KIF23: variants seen among roughly 807,000 people sequenced by gnomAD.
The protein encoded by KIF23 is kinesin family member 23.
KIF23 carries 30 observed loss-of-function variants against 137.5 expected under a neutral mutation model. The observed-to-expected ratio is 0.22, with a 90% confidence interval of 0.16 to 0.30. The LOEUF (loss-of-function observed/expected upper bound fraction) is 0.30, where lower values mean the gene tolerates loss of function less well. KIF23 is among the 10% of genes least tolerant of loss of function. The probability of loss-of-function intolerance (pLI) is 1.00; values close to 1 mark genes in which losing one functional copy is unlikely to be tolerated. For missense variants in KIF23, 920 were observed against 1,194.3 expected (o/e 0.77, Z 3.38); for synonymous variants, 367 against 391.1 (o/e 0.94, Z 0.73).
At chr15:69,436,914 C>T (rs1448556471) in intron 15 of KIF23, among the ~76,000 whole-genome samples, 192 bp downstream of exon 15, 1 of 152,122 alleles carries the variant, frequency 6.6e-6, no homozygotes, top group Non-Finnish European at 1.5e-5. Flanking sequence ...GCCACCACGC[C>T]TGGCTAATTT....
intron 11 of KIF23, 62 bp from the exon 12 acceptor site, chr15:69,435,421 G>T: frequency 2.3e-6 from 3 of 1,305,934 alleles, no homozygotes; most frequent in South Asian, 2.6e-5. Flanking sequence ...TAGGCAAACA[G>T]AACACACTTT....
intron 15 of KIF23, among the ~76,000 whole-genome samples, chr15:69,436,955 A>T (rs2057498654): frequency 6.6e-6 from 1 of 152,266 alleles, no homozygotes. Context: ...GGGTTTCGCC[A>T]TGTAGGCCAG....
chr15:69,445,364 T>C (rs1187913034), intron 20 of KIF23, among the ~76,000 whole-genome samples: 1 of 152,142 alleles, frequency 6.6e-6, no homozygotes, highest in Non-Finnish European at 1.5e-5. Context: ...CCTATTGCTC[T>C]CCATCAGTTC....
chr15:69,414,597 C>G (rs368132638), intron 1 of KIF23, 121 bp downstream of exon 1: 1 of 1,155,348 alleles, frequency 8.7e-7, no homozygotes, highest in East Asian at 3.2e-5. Flanking sequence ...GCATCCCGCC[C>G]GGTGCTGCTG....
chr15:69,440,042 G>A lies in KIF23; in HGVS notation c.1894G>A (p.Val632Met), dbSNP rs1414121374. ...RRLEARLQGM[V>M]TETTMKWEKE... ...ATTAGAAGCCAGGTTGCAAGGCATG[G>A]TGACAGAAACGACAATGAAGTGGGA... Residue 632 changes from valine (V) to methionine (M), a missense_variant, in exon 17 of 24, where the codon GTG (valine) becomes ATG (methionine). Physicochemically the swap from Val to Met is conservative, Grantham distance 21. Coordinates refer to ENST00000679126, the MANE Select transcript of KIF23 (RefSeq NM_001367805.3). 6.2e-7 allele frequency: 1 copy of A among 1,613,874 alleles called. No homozygotes were observed. Among genetic ancestry groups the A allele is most frequent in the Admixed American group, 1.7e-5 (1 of 60,000 alleles).
chr15:69,442,746 GA>G (rs2057650957), intron 19 of KIF23, among the ~76,000 whole-genome samples: 1 of 152,198 alleles, frequency 6.6e-6, no homozygotes, highest in Admixed American at 6.5e-5. Context: ...ACCGTAATGA[GA>G]TATCTAATTT....
At chr15:69,416,552 T>G (rs573232040) in intron 2 of KIF23, among the ~76,000 whole-genome samples, 13 of 152,338 alleles carry the variant, frequency 8.5e-5, no homozygotes, top group African/African-American at 3.1e-4. Context: ...GTATTTTAAA[T>G]CTATCCCTCG....
At chr15:69,423,464 A>G (rs1329815287) in intron 7 of KIF23, 135 bp downstream of exon 7, 11 of 586,618 alleles carry the variant, frequency 1.9e-5, no homozygotes, top group Non-Finnish European at 2.5e-5. Flanking sequence ...TATAATTTGT[A>G]TATCACGTGG....
chr15:69,446,745 G>C (rs552386267), intron 22 of KIF23, 126 bp from the exon 23 acceptor site: 11 of 869,032 alleles, frequency 1.3e-5, no homozygotes, highest in South Asian at 2.8e-5. Flanking sequence ...GTGTTTTAAC[G>C]TAAGAGTCTT....
intron 8 of KIF23, 119 bp from the exon 9 acceptor site, chr15:69,425,951 T>C (rs754447531): frequency 8.6e-6 from 2 of 231,982 alleles, no homozygotes; most frequent in Non-Finnish European, 1.6e-5. Context: ...TTATAAAATA[T>C]ATATAATTTT....
chr15:69,434,875 C>T (rs1191049629), intron 11 of KIF23: 7 of 745,082 alleles, frequency 9.4e-6, no homozygotes, highest in Admixed American at 2.2e-5. Context: ...TCCATAGCTG[C>T]GCGGCCATGC....
At chr15:69,439,801 C>T in intron 16 of KIF23, 103 bp from the exon 17 acceptor site, 1 of 819,148 alleles carries the variant, frequency 1.2e-6, no homozygotes. Context: ...CATGATGTTT[C>T]TTTCCACAAA....
chr15:69,430,394 C>T (rs1342757103), intron 11 of KIF23, among the ~76,000 whole-genome samples: 1 of 152,048 alleles, frequency 6.6e-6, no homozygotes, highest in Non-Finnish European at 1.5e-5. Context: ...CTACTATGTG[C>T]CAGGAATTAA....
chr15:69,436,616 C>T lies in KIF23; in HGVS notation c.1491C>T (p.Cys497=), dbSNP rs747533206. The change falls in exon 15 of 24, where the codon TGC becomes TGT. Residue 497 remains cysteine (C), a synonymous_variant. Coordinates refer to ENST00000679126, the MANE Select transcript of KIF23 (RefSeq NM_001367805.3). Reference sequence around the variant, plus strand: ...AGAGTTTTCCACCTTTGCCATCATGCGAAATTTTGGATATCAACGATGAGC... The same window carrying T: ...AGAGTTTTCCACCTTTGCCATCATGTGAAATTTTGGATATCAACGATGAGC... ...VLQSFPPLPS[C]EILDINDEQT... 14 of 1,612,106 alleles carry T rather than the reference C, an allele frequency of 8.7e-6. No individual in the cohort carries two copies. The highest frequency in any genetic ancestry group is 6.7e-5 in the African/African-American group (5 of 74,804).
chr15:69,431,971 C>T (rs142065786), intron 11 of KIF23, among the ~76,000 whole-genome samples: 1 of 152,260 alleles, frequency 6.6e-6, no homozygotes, highest in African/African-American at 2.4e-5. Flanking sequence ...TGAGAGTGGA[C>T]TGTGTGTGTG....
Position 69,440,699 on chromosome 15 carries a change from T to C in KIF23, c.2110-69T>C, listed in dbSNP as rs1055586161. ...GTTAAGTCTTCATGTGCTAACATTATAGAAAAGTAATGAATTGTTTCTCTC... is the reference window on the plus strand; with the variant it reads ...GTTAAGTCTTCATGTGCTAACATTACAGAAAAGTAATGAATTGTTTCTCTC... On this transcript the variant is annotated intron_variant, in intron 18 of 23. Coordinates refer to ENST00000679126, the MANE Select transcript of KIF23 (RefSeq NM_001367805.3). The C allele has an allele frequency of 6.6e-5, 88 of 1,340,784 alleles. No homozygotes were observed. The South Asian group carries it at 1.2e-3, about 18-fold the overall frequency. 83.1% of individuals were successfully genotyped at this position (1,340,784 alleles called of 1,614,324 possible). A position where few individuals can be genotyped will look rare whatever the true frequency, so the allele number is the denominator to read the frequency against.
At chr15:69,415,860 G>A (rs2056890526) in intron 1 of KIF23, 134 bp from the exon 2 acceptor site, 1 of 602,264 alleles carries the variant, frequency 1.7e-6, no homozygotes, top group African/African-American at 2.0e-5. Context: ...AATGTTATTT[G>A]GGATGCAGTG....
chr15:69,444,964 C>T lies in KIF23; in HGVS notation c.2596C>T (p.Leu866=), dbSNP rs1324581214. ...ITVSVANEKA[L]AKCEKYMLTH... ...AGTATCTGTTGCAAATGAAAAGGCA[C>T]TAGCTAAGTGTGAGAAGTACATGCT... Residue 866 remains leucine, a synonymous_variant, in exon 20 of 24, where the codon CTA becomes TTA. Coordinates refer to ENST00000679126, the MANE Select transcript of KIF23 (RefSeq NM_001367805.3). This position sits in a 1 kb window ranked among gnomAD's most constrained non-coding sequence, Gnocchi z 4.2. 8.1e-6 allele frequency: 13 copies of T among 1,614,128 alleles called. No individual in the cohort carries two copies. Among genetic ancestry groups the T allele is most frequent in the Non-Finnish European group, 1.1e-5 (13 of 1,180,018 alleles).
intron 23 of KIF23, among the ~76,000 whole-genome samples, chr15:69,447,231 A>G (rs1401499234): frequency 6.6e-6 from 1 of 152,148 alleles, no homozygotes; most frequent in Non-Finnish European, 1.5e-5. Flanking sequence ...CTGAGGCTGA[A>G]CTGAGAGTAC....
Sources: gnomAD v4.1 joint callset for allele counts (sites outside exome capture counted in the v4.1 genomes callset) on GRCh38, gnomAD v4.1.1 for gene constraint, Gnocchi (gnomAD v3.1) non-coding constraint, MANE v1.5 for transcripts, NCBI Gene and HGNC (gene_info 2026-07-23, HGNC 2026-07-21) for gene names.